NYNRIN: variants seen among roughly 807,000 people sequenced by gnomAD.
NYNRIN encodes the protein protein NYNRIN.
In NYNRIN, 86 loss-of-function variants were observed where a neutral mutation model predicts 146.6. That is an observed-to-expected ratio of 0.59 (90% CI 0.49 to 0.70). The LOEUF is 0.70. Among genes scored for constraint, NYNRIN ranks in the 30% least tolerant of loss-of-function variants. NYNRIN has a pLI of 0.00. For synonymous variants in NYNRIN, 1,027 were observed against 1,001.3 expected (o/e 1.03, Z -0.48); for missense variants, 2,191 against 2,377.7 (o/e 0.92, Z 1.63).
rs748250487 is a variant in NYNRIN, at chr14:24,415,925, G to A, written c.4176G>A (p.Trp1392Ter). 6.2e-7 allele frequency: 1 copy of A among 1,613,896 alleles called. No individual in the cohort carries two copies. The highest frequency in any genetic ancestry group is 1.1e-5 in the South Asian group (1 of 91,086). The change falls in exon 9 of 9, where the codon TGG becomes TGA. Residue 1392 changes from tryptophan (W) to a stop codon, truncating the protein, a stop_gained. Coordinates refer to ENST00000382554, the MANE Select transcript of NYNRIN (RefSeq NM_025081.3). LOFTEE classifies it high-confidence loss of function. ...TCCTGTGGGAGCTCCTGCCCCTCTG[G>A]AGGGCTCGGGGCTTCCTCTCCTCTG... ...FSLLWELLPL[W>*]RARGFLSSDG...
rs577469624 is a variant in NYNRIN, at chr14:24,406,019, G to A, written c.199-1850G>A. ...TCTACTAAAAATACAAAAATTAGCC[G>A]GGCATGGTGGTGCACATCTGTAATC... On this transcript the variant is annotated intron_variant, in intron 2 of 8. Coordinates refer to ENST00000382554, the MANE Select transcript of NYNRIN (RefSeq NM_025081.3). 3.2e-3 allele frequency among the ~76,000 whole-genome samples: 489 copies of A among 151,542 alleles called. 1 individual carries two copies. Among genetic ancestry groups the A allele is most frequent in the Non-Finnish European group, 5.4e-3 (368 of 67,910 alleles).
rs778485525 is a variant in NYNRIN at position 24,407,933 on chromosome 14, A to T, written c.263A>T (p.His88Leu). ...GAGGTTCGCTACCCACCGATCCTGC[A>T]CTGTGCCTTCCTTGGGGCCCAAGGC... ...WKEVRYPPILHCAFLGAQGLF... is the reference protein window; with the variant it reads ...WKEVRYPPILLCAFLGAQGLF... Residue 88 changes from histidine (H) to leucine (L), a missense_variant, in exon 3 of 9, where the codon CAC (histidine) becomes CTC (leucine). Physicochemically the swap from His to Leu is moderately conservative, Grantham distance 99. Coordinates refer to ENST00000382554, the MANE Select transcript of NYNRIN (RefSeq NM_025081.3). 26 of 1,613,844 alleles carry T rather than the reference A, an allele frequency of 1.6e-5. No individual in the cohort carries two copies.
chr14:24,417,216 GAGA>G lies in NYNRIN; in HGVS notation c.5470_5472del (p.Lys1824del), dbSNP rs1183045948. ...CAGGCGTTTCAAGCGGGAGAGCCAG[GAGA>G]AGGAGTGGAATGTGGGTGACCAGGT... is the stretch of plus-strand genomic sequence containing the variant. On this transcript the variant is annotated inframe_deletion, in exon 9 of 9. Coordinates refer to ENST00000382554, the MANE Select transcript of NYNRIN (RefSeq NM_025081.3). The G allele has an allele frequency of 1.2e-6, 2 of 1,614,074 alleles. No individual in the cohort carries two copies. The highest frequency in any genetic ancestry group is 8.5e-7 in the Non-Finnish European group (1 of 1,179,896).
intron 1 of NYNRIN, 53 bp from the exon 2 acceptor site, chr14:24,399,177 G>T: frequency 6.1e-6 from 9 of 1,467,948 alleles, no homozygotes; most frequent in Non-Finnish European, 8.4e-6. Flanking sequence ...GCTGGGGGCT[G>T]GGGCGCCTGC....
chr14:24,410,177 G>A lies in NYNRIN; in HGVS notation c.2383G>A (p.Val795Met), dbSNP rs754988176. Reference sequence around the variant, plus strand: ...ACCTGGAAACCAGGGGTTGCGGCGAGTGGTCATCGATGGCAGCAGTGTGGC... The same window carrying A: ...ACCTGGAAACCAGGGGTTGCGGCGAATGGTCATCGATGGCAGCAGTGTGGC... ...GEPGNQGLRR[V>M]VIDGSSVAMV... The change falls in exon 4 of 9, where the codon GTG becomes ATG. Residue 795 changes from valine (V) to methionine (M), a missense_variant. This residue lies in a region of NYNRIN where 1,291 missense variants were observed against 1,417.0 expected (regional missense o/e 0.91). Coordinates refer to ENST00000382554, the MANE Select transcript of NYNRIN (RefSeq NM_025081.3). 6.2e-7 allele frequency: 1 copy of A among 1,608,754 alleles called. No homozygotes were observed. Among genetic ancestry groups the A allele is most frequent in the Non-Finnish European group, 8.5e-7 (1 of 1,176,470 alleles).
At chr14:24,413,261 G>T in intron 7 of NYNRIN, 55 bp from the exon 8 acceptor site, 2 of 1,530,536 alleles carry the variant, frequency 1.3e-6, no homozygotes, top group East Asian at 2.3e-5. Context: ...CGACAACAGG[G>T]TGTGGGTGGG....
At chr14:24,407,739 A>G in intron 2 of NYNRIN, 130 bp from the exon 3 acceptor site, 1 of 802,980 alleles carries the variant, frequency 1.2e-6, no homozygotes. Context: ...CATTTGGCTC[A>G]TGGTGGATGG....
rs758367722 is a variant in NYNRIN, at chr14:24,409,752, TTTCCAAAGCACCTGCAGC to T, written c.1978_1995del (p.Ser660_Ala665del). 15 of 1,610,230 alleles carry T rather than the reference TTTCCAAAGCACCTGCAGC, an allele frequency of 9.3e-6. No individual in the cohort carries two copies. Among genetic ancestry groups the T allele is most frequent in the Middle Eastern group, 1.6e-4 (1 of 6,082 alleles). On this transcript the variant is annotated inframe_deletion, in exon 4 of 9. Coordinates refer to ENST00000382554, the MANE Select transcript of NYNRIN (RefSeq NM_025081.3). ...GCTCAAGCCGGGCCTGCAGCTACAG[TTTCCAAAGCACCTGCAGC>T]TTCCAAAGCACCTGCAGCTCCCAAA...
In NYNRIN at chr14:24,409,226, C is replaced by A. The variant is rs777003032; in HGVS notation, c.1432C>A (p.Gln478Lys). The A allele has an allele frequency of 1.9e-6, 3 of 1,613,586 alleles. No homozygotes were observed. Among genetic ancestry groups the A allele is most frequent in the African/African-American group, 2.7e-5 (2 of 74,810 alleles). The change falls in exon 4 of 9, where the codon CAG becomes AAG. Residue 478 changes from glutamine to lysine, a missense_variant. Physicochemically the swap from Gln to Lys is moderately conservative, Grantham distance 53. Transcript: ENST00000382554. ...VKDKVSSDLP[Q>K]IGPPLTSTPQ... Reference sequence around the variant, plus strand: ...AGACAAAGTTAGCTCGGATCTCCCACAGATAGGGCCACCCTTGACCTCTAC... The same window carrying A: ...AGACAAAGTTAGCTCGGATCTCCCAAAGATAGGGCCACCCTTGACCTCTAC...
chr14:24,399,194 G>A (rs2042823762), intron 1 of NYNRIN, 36 bp from the exon 2 acceptor site: 2 of 1,566,482 alleles, frequency 1.3e-6, no homozygotes, highest in South Asian at 1.1e-5. Flanking sequence ...CTGCCGCCCC[G>A]AGACCCGGGT....
chr14:24,415,497 G>A lies in NYNRIN; in HGVS notation c.3748G>A (p.Val1250Ile), dbSNP rs774445013. 13 of 1,613,756 alleles carry A rather than the reference G, an allele frequency of 8.1e-6. No individual in the cohort carries two copies. The highest frequency in any genetic ancestry group is 3.3e-5 in the South Asian group (3 of 91,092). ...ADPEVREGRR[V>I]SKAWLIRWSL... ...CCCTGAGGTGCGGGAGGGCCGCAGG[G>A]TTTCCAAAGCTTGGTTGATCCGATG... Residue 1250 changes from valine to isoleucine, a missense_variant, in exon 9 of 9, where the codon GTT becomes ATT. Val to Ile is a conservative substitution (Grantham distance 29). Transcript: ENST00000382554.
chr14:24,409,596 C>G lies in NYNRIN; in HGVS notation c.1802C>G (p.Ala601Gly). The change falls in exon 4 of 9, where the codon GCC (alanine) becomes GGC (glycine). Residue 601 changes from alanine to glycine, a missense_variant. Coordinates refer to ENST00000382554, the MANE Select transcript of NYNRIN (RefSeq NM_025081.3). ...ACAAAGCCAACAGCTCAACTGATGG[C>G]CACAGCTCAAAAAACAGTTGTGAAT... ...APTKPTAQLM[A>G]TAQKTVVNQP... 6.2e-7 allele frequency: 1 copy of G among 1,609,316 alleles called. No individual in the cohort carries two copies. The highest frequency in any genetic ancestry group is 1.1e-5 in the South Asian group (1 of 90,192).
Position 24,411,985 on chromosome 14 carries a change from G to T in NYNRIN, c.2642+535G>T, listed in dbSNP as rs1436610437. ...GGCTGCAGGACCTCTGTGCTCAGGG[G>T]AAGCCTGTGACCCTGCCTCTCTTAG... On this transcript the variant is annotated intron_variant, in intron 6 of 8. Transcript: ENST00000382554. The surrounding 1 kb of genome is among the most constrained non-coding windows in gnomAD (Gnocchi z 4.3). Among the ~76,000 whole-genome samples the T allele has an allele frequency of 2.0e-5, 3 of 152,178 alleles. No individual in the cohort carries two copies. Among genetic ancestry groups the T allele is most frequent in the Non-Finnish European group, 4.4e-5 (3 of 68,024 alleles).
At chr14:24,402,130 A>G (rs115537103) in intron 2 of NYNRIN, among the ~76,000 whole-genome samples, 2,472 of 152,238 alleles carry the variant, frequency 0.016, 54 homozygotes, top group African/African-American at 0.056. Context: ...GTGTGTTTCT[A>G]TGTGGTTGGT....
chr14:24,416,322 T>C lies in NYNRIN; in HGVS notation c.4573T>C (p.Phe1525Leu). ...SLDKESGLLMFKGDKKPRVWV... is the reference protein window; with the variant it reads ...SLDKESGLLMLKGDKKPRVWV... ...CGACAAGGAGAGTGGCCTGCTTATGTTCAAGGGAGATAAGAAGCCCAGGGT... is the reference window on the plus strand; with the variant it reads ...CGACAAGGAGAGTGGCCTGCTTATGCTCAAGGGAGATAAGAAGCCCAGGGT... Residue 1525 changes from phenylalanine (F) to leucine (L), a missense_variant, in exon 9 of 9, where the codon TTC becomes CTC. Around this residue, in one of 3 missense-constraint regions of NYNRIN, gnomAD observed 1,291 missense variants for 1,417.0 expected, o/e 0.91. Coordinates refer to ENST00000382554, the MANE Select transcript of NYNRIN (RefSeq NM_025081.3). 1 of 1,613,814 alleles carries C rather than the reference T, an allele frequency of 6.2e-7. No individual in the cohort carries two copies. Among genetic ancestry groups the C allele is most frequent in the Non-Finnish European group, 8.5e-7 (1 of 1,179,808 alleles).
chr14:24,411,115 C>T lies in NYNRIN; in HGVS notation c.2454C>T (p.Ala818=), dbSNP rs574730572. The T allele has an allele frequency of 1.2e-6, 2 of 1,613,594 alleles. No individual in the cohort carries two copies. The highest frequency in any genetic ancestry group is 2.2e-5 in the East Asian group (1 of 44,878). Residue 818 remains alanine (A), a synonymous_variant, in exon 5 of 9, where the codon GCC becomes GCT. Transcript: ENST00000382554. This position sits in a 1 kb window ranked among gnomAD's most constrained non-coding sequence, Gnocchi z 4.3. The part of the protein sequence containing the change: ...LQHFFSCRGI[A]MAVQFFWNRG... ...ACTTCTTCTCCTGCCGAGGAATTGC[C>T]ATGGCAGTGCAGTTTTTCTGGAACC...
rs1284062264 is a variant in NYNRIN, at chr14:24,416,831, G to C, written c.5082G>C (p.Gly1694=). Residue 1694 remains glycine (G), a synonymous_variant, in exon 9 of 9, where the codon GGG becomes GGC. Transcript: ENST00000382554. ...QFARHVLVSC[G]LALGAQVASL... ...CCCGGCACGTCCTTGTGAGCTGTGG[G>C]CTGGCCCTGGGAGCCCAGGTGGCCT... 6.2e-7 allele frequency: 1 copy of C among 1,610,164 alleles called. No homozygotes were observed. The highest frequency in any genetic ancestry group is 1.3e-5 in the African/African-American group (1 of 74,890).
rs373058068 is a variant in NYNRIN at position 24,409,364 on chromosome 14, G to A, written c.1570G>A (p.Val524Met). Reference sequence around the variant, plus strand: ...GCTGCCAACAGGGCAAGGGAAGCCCGTGGCTCAAGGGGGGCTGACAGATCA... The same window carrying A: ...GCTGCCAACAGGGCAAGGGAAGCCCATGGCTCAAGGGGGGCTGACAGATCA... ...PVLPTGQGKP[V>M]AQGGLTDQSV... Residue 524 changes from valine (V) to methionine (M), a missense_variant, in exon 4 of 9, where the codon GTG becomes ATG. Physicochemically the swap from Val to Met is conservative, Grantham distance 21. Transcript: ENST00000382554. 48 of 1,614,040 alleles carry A rather than the reference G, an allele frequency of 3.0e-5. No individual in the cohort carries two copies. The African/African-American group carries it at 3.9e-4, about 13-fold the overall frequency.
At chr14:24,413,451 C>T in intron 8 of NYNRIN, 34 bp downstream of exon 8, 3 of 1,435,308 alleles carry the variant, frequency 2.1e-6, no homozygotes, top group Non-Finnish European at 1.9e-6. Context: ...CTCCCAGGCC[C>T]TCCTGGGGCT....
Sources: gnomAD v4.1 joint callset for allele counts (sites outside exome capture counted in the v4.1 genomes callset) on GRCh38, gnomAD v4.1.1 for gene constraint, gnomAD v4.1.1 regional missense constraint, Gnocchi (gnomAD v3.1) non-coding constraint, MANE v1.5 for transcripts, NCBI Gene and HGNC (gene_info 2026-07-23, HGNC 2026-07-21) for gene names.